Variants in FCHO2 observed in about 807,000 individuals in gnomAD.
The protein encoded by FCHO2 is FCH and mu domain containing endocytic adaptor 2, also known as F-BAR domain only protein 2.
A neutral mutation model predicts 114.1 loss-of-function variants in FCHO2; 43 were observed. The observed-to-expected ratio is 0.38, with a 90% CI of 0.30 to 0.49. FCHO2 has a LOEUF of 0.49. Ranked by LOEUF, FCHO2 falls within the 20% of genes least tolerant of loss-of-function variation. The probability of loss-of-function intolerance (pLI) is 0.97; values close to 1 mark genes in which losing one functional copy is unlikely to be tolerated. For synonymous variants in FCHO2, 293 were observed against 315.2 expected (o/e 0.93, Z 0.75); for missense variants, 807 against 950.4 (o/e 0.85, Z 1.98).
chr5:73,065,512 T>C (rs1188974438), intron 18 of FCHO2, among the ~76,000 whole-genome samples: 2 of 152,038 alleles, frequency 1.3e-5, no homozygotes, highest in African/African-American at 2.4e-5. Flanking sequence ...CATTAAACAG[T>C]TATTTAATCA....
intron 19 of FCHO2, among the ~76,000 whole-genome samples, chr5:73,073,698 A>G (rs1439980762): frequency 6.6e-6 from 1 of 152,140 alleles, no homozygotes; most frequent in African/African-American, 2.4e-5. Flanking sequence ...ACTGATTTTT[A>G]TCAGAATTAA....
At position 73,056,213 on chromosome 5, in the gene FCHO2, T is replaced by C. The variant is rs553867020; in HGVS notation, c.1253+106T>C. ...AAAGCACAGAGATTTCCCTTTATGC[T>C]CCCTGCCCCTTCATATGCCCAGTCT... On this transcript the variant is annotated intron_variant, in intron 16 of 25. Transcript: ENST00000430046. The C allele has an allele frequency of 5.3e-5, 42 of 791,140 alleles. No individual in the cohort carries two copies. The African/African-American group carries it at 6.9e-4, about 13-fold the overall frequency. 49.0% of individuals were successfully genotyped at this position (791,140 alleles called of 1,614,324 possible). A position where few individuals can be genotyped will look rare whatever the true frequency, so the allele number is the denominator to read the frequency against.
At chr5:72,989,736 A>G (rs976716491) in intron 3 of FCHO2, among the ~76,000 whole-genome samples, 7 of 152,194 alleles carry the variant, frequency 4.6e-5, no homozygotes, top group African/African-American at 1.7e-4. Context: ...AAAACTAGTC[A>G]TTCAATAGTG....
chr5:73,041,768 A>C (rs1180522095), intron 11 of FCHO2, among the ~76,000 whole-genome samples: 1 of 152,028 alleles, frequency 6.6e-6, no homozygotes, highest in Non-Finnish European at 1.5e-5. Flanking sequence ...TTTTTGTTTT[A>C]TTTTAAAGAA....
chr5:73,088,021 A>G, intron 25 of FCHO2, 47 bp from the exon 26 acceptor site: 1 of 1,610,568 alleles, frequency 6.2e-7, no homozygotes, highest in East Asian at 2.2e-5. Flanking sequence ...ATGTCCTTAG[A>G]GTGCATTTGA....
chr5:73,045,405 T>G (rs1037056000), intron 11 of FCHO2, among the ~76,000 whole-genome samples: 7 of 152,226 alleles, frequency 4.6e-5, no homozygotes, highest in Non-Finnish European at 8.8e-5. Flanking sequence ...TCTTTGGAGA[T>G]GTATCCAGGT....
At chr5:73,038,179 G>T (rs1756624892) in intron 10 of FCHO2, 1 of 152,692 alleles carries the variant, frequency 6.5e-6, no homozygotes, top group Non-Finnish European at 1.5e-5. Context: ...TTTTACTTTG[G>T]CTACACATTA....
At chr5:73,005,468 C>T (rs867005307) in intron 5 of FCHO2, among the ~76,000 whole-genome samples, 10 of 152,092 alleles carry the variant, frequency 6.6e-5, no homozygotes, top group African/African-American at 2.2e-4. Flanking sequence ...TACTGTTTCT[C>T]ACTCATACCA....
chr5:73,013,121 G>A (rs1755110158), intron 6 of FCHO2, among the ~76,000 whole-genome samples: 1 of 152,108 alleles, frequency 6.6e-6, no homozygotes, highest in African/African-American at 2.4e-5. Context: ...TTGAAATACT[G>A]GTACTGTATT....
intron 1 of FCHO2, among the ~76,000 whole-genome samples, chr5:72,966,386 G>A (rs2666749): frequency 0.39 from 58,577 of 152,028 alleles, 12,885 homozygotes; most frequent in Non-Finnish European, 0.49. Context: ...CTGGCATCAA[G>A]CAAGCCTCCT....
chr5:73,087,950 T>C, intron 25 of FCHO2, 118 bp from the exon 26 acceptor site: 2 of 1,445,156 alleles, frequency 1.4e-6, no homozygotes, highest in South Asian at 1.2e-5. Context: ...GTTATCTGAT[T>C]CTAATGTACT....
At chr5:73,007,132 A>T (rs1040396961) in intron 6 of FCHO2, among the ~76,000 whole-genome samples, 1 of 152,184 alleles carries the variant, frequency 6.6e-6, no homozygotes, top group African/African-American at 2.4e-5. Flanking sequence ...GTGATCTTAC[A>T]TACCAAGAAT....
intron 2 of FCHO2, among the ~76,000 whole-genome samples, chr5:72,983,327 C>G (rs1279727805): frequency 6.6e-6 from 1 of 152,100 alleles, no homozygotes; most frequent in East Asian, 1.9e-4. Flanking sequence ...ATCTACATAT[C>G]TACATTAGGT....
intron 5 of FCHO2, among the ~76,000 whole-genome samples, chr5:73,002,632 G>C (rs1436239846): frequency 6.6e-6 from 1 of 152,132 alleles, no homozygotes. Context: ...TTTTTAAAAT[G>C]ATTTATTCAA....
In FCHO2 at chr5:73,034,662, A is replaced by G. The variant is rs1485433823; in HGVS notation, c.802A>G (p.Ile268Val). 3.8e-6 allele frequency: 6 copies of G among 1,596,558 alleles called. No homozygotes were observed. Among genetic ancestry groups the G allele is most frequent in the Middle Eastern group, 3.3e-4 (2 of 5,992 alleles). Residue 268 changes from isoleucine (I) to valine (V), a missense_variant, in exon 9 of 26, where the codon ATT becomes GTT. Ile to Val is a conservative substitution (Grantham distance 29, BLOSUM62 3). Coordinates refer to ENST00000430046, the MANE Select transcript of FCHO2 (RefSeq NM_138782.3). ...TTCAATTTCTTTTTTTCCAGGCCTC[A>G]TTGAATTTGAAGAATGTGACACTGC... is the stretch of plus-strand genomic sequence containing the variant. The part of the protein sequence containing the change: ...KGTGKERPGL[I>V]EFEECDTASA...
chr5:73,067,845 A>G (rs1742432266), intron 18 of FCHO2, among the ~76,000 whole-genome samples: 1 of 152,042 alleles, frequency 6.6e-6, no homozygotes, highest in Admixed American at 6.6e-5. Context: ...TTGCTACTGA[A>G]TTATTGGTAC....
Position 73,088,886 on chromosome 5 carries a change from A to G in FCHO2, c.*796A>G, listed in dbSNP as rs542333083. The G allele has an allele frequency of 3.3e-5, 5 of 152,724 alleles. No individual in the cohort carries two copies. In the South Asian group the frequency reaches 1.0e-3, roughly 32 times the overall value. 9.5% of individuals were successfully genotyped at this position (152,724 alleles called of 1,614,324 possible). Reference sequence around the variant, plus strand: ...AATAACAAAAACCAGAGATGTGCCTATACAATTTGTGTTCATTAATGTGCC... The same window carrying G: ...AATAACAAAAACCAGAGATGTGCCTGTACAATTTGTGTTCATTAATGTGCC... On this transcript the variant is annotated 3_prime_UTR_variant, in exon 26 of 26. Transcript: ENST00000430046.
In FCHO2 at chr5:72,997,092, G is replaced by A; in HGVS notation, c.495+6228G>A. ...TGTCCTGGAATCAGCTAGGTGAAGA[G>A]GAAGATCATGGTGCTGGATCCGGAT... On this transcript the variant is annotated intron_variant, in intron 5 of 25. Coordinates refer to ENST00000430046, the MANE Select transcript of FCHO2 (RefSeq NM_138782.3). The A allele has an allele frequency of 5.0e-6, 6 of 1,201,628 alleles. No individual in the cohort carries two copies. In the South Asian group the frequency reaches 7.3e-5, roughly 15 times the overall value. 74.4% of individuals were successfully genotyped at this position (1,201,628 alleles called of 1,614,324 possible).
At chr5:73,016,385 G>T (rs1040894046) in intron 7 of FCHO2, among the ~76,000 whole-genome samples, 916 of 132,292 alleles carry the variant, frequency 6.9e-3, no homozygotes, top group African/African-American at 0.025. Context: ...TATTAAAAAA[G>T]ATTTTAAATT....
Sources: allele counts gnomAD v4.1 joint callset (sites outside exome capture counted in the v4.1 genomes callset), GRCh38; gene constraint gnomAD v4.1.1; transcripts MANE v1.5; gene names NCBI Gene and HGNC (gene_info 2026-07-23, HGNC 2026-07-21).